Variants in RPL26L1 observed in about 807,000 individuals in gnomAD.
RPL26L1 encodes the protein ribosomal protein L26 like 1.
RPL26L1 carries 8 observed loss-of-function variants against 15.2 expected under a neutral mutation model. The observed-to-expected ratio is 0.53, with a 90% confidence interval of 0.31 to 0.95. The LOEUF is 0.95. Among genes scored for constraint, RPL26L1 ranks in the 40% least tolerant of loss-of-function variants. The pLI, the probability that RPL26L1 is intolerant of heterozygous loss-of-function variation, is 0.05. For synonymous variants in RPL26L1, 51 were observed against 65.9 expected (o/e 0.77, Z 1.09); for missense variants, 146 against 190.9 (o/e 0.76, Z 1.39).
chr5:172,957,510 C>A, upstream of RPL26L1: 1 of 270,092 alleles, frequency 3.7e-6, no homozygotes, highest in Non-Finnish European at 7.5e-6. Context: ...ATGTAGGTAC[C>A]AAATAAATTG....
At chr5:172,961,541 A>G (rs1358734910) in intron 2 of RPL26L1, among the ~76,000 whole-genome samples, 2 of 151,962 alleles carry the variant, frequency 1.3e-5, no homozygotes, top group African/African-American at 2.4e-5. Context: ...TTCATAACCA[A>G]CCTCCTCAAG....
chr5:172,966,174 C>T (rs1755442253), intron 2 of RPL26L1, among the ~76,000 whole-genome samples: 1 of 151,902 alleles, frequency 6.6e-6, no homozygotes, highest in South Asian at 2.1e-4. Flanking sequence ...GACAGGATCT[C>T]ACTCTGTCAC....
rs999920311 is a variant in RPL26L1 at position 172,960,172 on chromosome 5, G to T, written c.168+131G>T. 5 of 1,086,426 alleles carry T rather than the reference G, an allele frequency of 4.6e-6. No individual in the cohort carries two copies. In the African/African-American group the frequency reaches 7.7e-5, roughly 17 times the overall value. The allele number at this position is 1,086,426 out of a possible 1,614,324, so 67.3% of individuals were successfully genotyped here. Reference sequence around the variant, plus strand: ...GACCCTTCAGATGTGTTAGGCCAGAGATAGGGTTCAGAGCCACCAGAGAGT... The same window carrying T: ...GACCCTTCAGATGTGTTAGGCCAGATATAGGGTTCAGAGCCACCAGAGAGT... On this transcript the variant is annotated intron_variant, in intron 2 of 3. Coordinates refer to ENST00000265100, the MANE Select transcript of RPL26L1 (RefSeq NM_016093.4).
chr5:172,961,410 A>C (rs1033067336), intron 2 of RPL26L1, among the ~76,000 whole-genome samples: 18 of 152,180 alleles, frequency 1.2e-4, no homozygotes, highest in African/African-American at 4.3e-4. Context: ...CCTTTAGCCC[A>C]TTGATGCCTG....
At chr5:172,958,529 T>C, upstream of RPL26L1, 1 of 424,072 alleles carries the variant, frequency 2.4e-6, no homozygotes, top group East Asian at 7.2e-5. Context: ...CCGTCGGTTC[T>C]TAACCCGAAG....
intron 3 of RPL26L1, among the ~76,000 whole-genome samples, chr5:172,968,871 G>A (rs545712336): frequency 1.6e-4 from 21 of 131,752 alleles, no homozygotes; most frequent in Middle Eastern, 4.3e-3. Context: ...GCTGTGGTGC[G>A]ATCTCGGCTC....
intron 1 of RPL26L1, 21 bp from the exon 2 acceptor site, chr5:172,959,844 G>T (rs1389560262): frequency 6.2e-7 from 1 of 1,613,256 alleles, no homozygotes; most frequent in Admixed American, 1.7e-5. Context: ...CCTTCATTCC[G>T]TCTCTCTCCG....
At chr5:172,968,346 A>G (rs1327457087) in intron 2 of RPL26L1, 113 bp from the exon 3 acceptor site, 27 of 1,361,160 alleles carry the variant, frequency 2.0e-5, no homozygotes, top group Non-Finnish European at 2.6e-5. Context: ...TGCCAGGATT[A>G]AGCTGCTTTT....
intron 2 of RPL26L1, among the ~76,000 whole-genome samples, chr5:172,966,378 T>C (rs1046274330): frequency 7.4e-6 from 1 of 135,594 alleles, no homozygotes; most frequent in Non-Finnish European, 1.6e-5. Context: ...CCTCGGCTGG[T>C]CTCCAACTCC....
At position 172,959,989 on chromosome 5, in the gene RPL26L1, G is replaced by A. The variant is rs1389341083; in HGVS notation, c.116G>A (p.Arg39Gln). Reference sequence around the variant, plus strand: ...TCATCCCCGCTCTCCAAGGAGCTGCGGCAGAAGTACAATGTCCGCTCCATG... The same window carrying A: ...TCATCCCCGCTCTCCAAGGAGCTGCAGCAGAAGTACAATGTCCGCTCCATG... ...IMSSPLSKEL[R>Q]QKYNVRSMPI... The change falls in exon 2 of 4, where the codon CGG (arginine) becomes CAG (glutamine). Residue 39 changes from arginine (R) to glutamine (Q), a missense_variant. Physicochemically the swap from Arg to Gln is conservative, Grantham distance 43. Transcript: ENST00000265100. 5 of 1,614,162 alleles carry A rather than the reference G, an allele frequency of 3.1e-6. No homozygotes were observed. Among genetic ancestry groups the A allele is most frequent in the Non-Finnish European group, 4.2e-6 (5 of 1,180,038 alleles).
At chr5:172,959,287 C>A, upstream of RPL26L1, 1 of 777,094 alleles carries the variant, frequency 1.3e-6, no homozygotes. Context: ...CCCTTGTACT[C>A]ACTGGCATCG....
At chr5:172,959,560 G>A in intron 1 of RPL26L1, 92 bp downstream of exon 1, 3 of 1,173,764 alleles carry the variant, frequency 2.6e-6, no homozygotes, top group Non-Finnish European at 3.2e-6. Flanking sequence ...TCACCCCACA[G>A]CTCTCTTTGA....
chr5:172,968,650 G>A, intron 3 of RPL26L1, 51 bp downstream of exon 3: 4 of 1,609,486 alleles, frequency 2.5e-6, no homozygotes, highest in Non-Finnish European at 2.5e-6. Context: ...TGTCAATACT[G>A]TTCAAAGTTA....
chr5:172,963,237 G>A (rs6895694), intron 2 of RPL26L1, among the ~76,000 whole-genome samples: 16,882 of 152,046 alleles, frequency 0.11, 1,232 homozygotes, highest in African/African-American at 0.2. Flanking sequence ...AATTAGGTGT[G>A]GTGGCACACA....
intron 2 of RPL26L1, 62 bp downstream of exon 2, chr5:172,960,103 A>C: frequency 6.3e-7 from 1 of 1,589,006 alleles, no homozygotes; most frequent in Non-Finnish European, 8.6e-7. Context: ...TCATGCGTGG[A>C]GCAGTCACAG....
chr5:172,963,556 G>C (rs147751346), intron 2 of RPL26L1, among the ~76,000 whole-genome samples: 1 of 151,980 alleles, frequency 6.6e-6, no homozygotes, highest in African/African-American at 2.4e-5. Context: ...TCTCTGCCTG[G>C]AGTGCTCTTC....
At chr5:172,968,117 C>T (rs1205484408) in intron 2 of RPL26L1, among the ~76,000 whole-genome samples, 1 of 151,970 alleles carries the variant, frequency 6.6e-6, no homozygotes, top group East Asian at 1.9e-4. Context: ...CCCAAAAACC[C>T]TAAATCCAAA....
chr5:172,960,083 C>T (rs777133715), intron 2 of RPL26L1, 42 bp downstream of exon 2: 6 of 1,610,544 alleles, frequency 3.7e-6, no homozygotes, highest in Admixed American at 3.3e-5. Flanking sequence ...GACACCGTTG[C>T]CTAAGAACGT....
At chr5:172,962,054 A>T (rs1462493911) in intron 2 of RPL26L1, among the ~76,000 whole-genome samples, 8 of 152,142 alleles carry the variant, frequency 5.3e-5, no homozygotes, top group Non-Finnish European at 1.0e-4. Flanking sequence ...AACGCTCCTT[A>T]ACCCCCTCTT....
Sources: allele counts gnomAD v4.1 joint callset (sites outside exome capture counted in the v4.1 genomes callset), GRCh38; gene constraint gnomAD v4.1.1; transcripts MANE v1.5; gene names NCBI Gene and HGNC (gene_info 2026-07-23, HGNC 2026-07-21).